The following GALNT13 variants were observed in gnomAD, a reference collection of about 807,000 sequenced individuals.
GALNT13 encodes the protein polypeptide N-acetylgalactosaminyltransferase 13.
In GALNT13, 28 loss-of-function variants were observed where a neutral mutation model predicts 64.2. That is an observed-to-expected ratio of 0.44 (90% CI 0.32 to 0.60). The LOEUF (loss-of-function observed/expected upper bound fraction) is 0.60. Among genes scored for constraint, GALNT13 ranks in the 20% least tolerant of loss-of-function variants. GALNT13 has a pLI of 0.05. For missense variants in GALNT13, 577 were observed against 669.8 expected (o/e 0.86, Z 1.53); for synonymous variants, 214 against 224.6 (o/e 0.95, Z 0.42).
chr2:153,462,936 A>C, the GALNT13 span, among the ~76,000 whole-genome samples: 1 of 152,126 alleles, frequency 6.6e-6, no homozygotes, highest in Non-Finnish European at 1.5e-5. Context: ...GATTTTGCAG[A>C]GATCTTAGGA....
chr2:153,952,349 A>G (rs879702633), intron 3 of GALNT13, among the ~76,000 whole-genome samples: 3 of 152,154 alleles, frequency 2.0e-5, no homozygotes, highest in Non-Finnish European at 4.4e-5. Context: ...CTCAGTTGTA[A>G]TATGTAATAT....
chr2:154,334,197 C>T (rs1341073185), intron 9 of GALNT13, among the ~76,000 whole-genome samples: 1 of 151,994 alleles, frequency 6.6e-6, no homozygotes. Flanking sequence ...ATACTTTGTT[C>T]ATTCAACTAA....
At position 153,883,980 on chromosome 2, in the gene GALNT13, A is replaced by G. The variant is rs569408235; in HGVS notation, c.-177+11677A>G. 3.9e-5 allele frequency among the ~76,000 whole-genome samples: 6 copies of G among 152,204 alleles called. No individual in the cohort carries two copies. In the East Asian group the frequency reaches 1.2e-3, roughly 29 times the overall value. ...TATTATCAAGACTGACAATGTCACG[A>G]TAAACATACAGGTGGCTGAGGTTGG... On this transcript the variant is annotated intron_variant, in intron 1 of 12. Coordinates refer to ENST00000392825, the MANE Select transcript of GALNT13 (RefSeq NM_052917.4).
chr2:153,588,929 G>T, the GALNT13 span, among the ~76,000 whole-genome samples: 1 of 152,224 alleles, frequency 6.6e-6, no homozygotes, highest in Non-Finnish European at 1.5e-5. Flanking sequence ...CACTTTGGGA[G>T]GCCAAGGCAG....
intron 2 of GALNT13, among the ~76,000 whole-genome samples, chr2:153,914,570 T>G (rs1270218863): frequency 5.9e-5 from 9 of 152,170 alleles, no homozygotes; most frequent in Non-Finnish European, 1.2e-4. Flanking sequence ...TATTCTGATT[T>G]TGTTAGGATT....
chr2:153,834,533 C>G, the GALNT13 span, among the ~76,000 whole-genome samples: 1 of 151,978 alleles, frequency 6.6e-6, no homozygotes, highest in Non-Finnish European at 1.5e-5. Context: ...GTTGTCAGCT[C>G]TTGTTTTTTC....
chr2:153,713,729 C>T, the GALNT13 span, among the ~76,000 whole-genome samples: 1 of 152,212 alleles, frequency 6.6e-6, no homozygotes, highest in Admixed American at 6.5e-5. Flanking sequence ...AGTGATCCAC[C>T]TTCCTTGGCC....
At chr2:153,957,010 C>G (rs995210722) in intron 3 of GALNT13, among the ~76,000 whole-genome samples, 7 of 152,122 alleles carry the variant, frequency 4.6e-5, no homozygotes, top group African/African-American at 1.7e-4. Flanking sequence ...AAGTAAAAAT[C>G]TTAATGTCAA....
At chr2:153,549,174 TTAGA>T in the GALNT13 span, among the ~76,000 whole-genome samples, 1 of 152,112 alleles carries the variant, frequency 6.6e-6, no homozygotes, top group South Asian at 2.1e-4. Flanking sequence ...TGTTCTAAAA[TTAGA>T]TAGTAATGAT....
chr2:153,595,410 G>A, the GALNT13 span, among the ~76,000 whole-genome samples: 1 of 151,340 alleles, frequency 6.6e-6, no homozygotes, highest in Non-Finnish European at 1.5e-5. Flanking sequence ...AAATAAAAAG[G>A]CACTCAGTTT....
At chr2:154,113,348 A>G (rs1175701998) in intron 3 of GALNT13, among the ~76,000 whole-genome samples, 1 of 152,188 alleles carries the variant, frequency 6.6e-6, no homozygotes, top group African/African-American at 2.4e-5. Context: ...TCTGTTGCGG[A>G]GCCTTCTCCG....
At chr2:153,410,166 G>T in the GALNT13 span, among the ~76,000 whole-genome samples, 1 of 152,018 alleles carries the variant, frequency 6.6e-6, no homozygotes, top group East Asian at 1.9e-4. Context: ...ACTCACTGTA[G>T]TCTCTACCTC....
the GALNT13 span, among the ~76,000 whole-genome samples, chr2:153,279,150 C>T: frequency 6.6e-6 from 1 of 151,968 alleles, no homozygotes; most frequent in African/African-American, 2.4e-5. Flanking sequence ...CTTGATTTGG[C>T]TCTCATCTTG....
chr2:153,201,180 T>C, the GALNT13 span, among the ~76,000 whole-genome samples: 1 of 152,208 alleles, frequency 6.6e-6, no homozygotes. Context: ...GTGGGAATAA[T>C]ATTGTTCTCA....
intron 9 of GALNT13, among the ~76,000 whole-genome samples, chr2:154,335,421 G>A (rs1695389750): frequency 6.6e-6 from 1 of 151,816 alleles, no homozygotes; most frequent in African/African-American, 2.4e-5. Flanking sequence ...CTTTTATATT[G>A]TTCCAAATGT....
At chr2:153,202,151 A>AT in the GALNT13 span, among the ~76,000 whole-genome samples, 9 of 151,358 alleles carry the variant, frequency 5.9e-5, no homozygotes, top group African/African-American at 2.2e-4. Flanking sequence ...CGCCCGGCTA[A>AT]TTTTTTGTAT....
Position 154,448,569 on chromosome 2 carries a change from CT to C in GALNT13, c.1531-1841del, listed in dbSNP as rs576068922. Among the ~76,000 whole-genome samples, 318 of 152,122 alleles carry C rather than the reference CT, an allele frequency of 2.1e-3. 1 individual carries two copies. Among genetic ancestry groups the C allele is most frequent in the Middle Eastern group, 3.4e-3 (1 of 294 alleles). ...AAAGGAGAAGTATTTAGTTGTTTGT[CT>C]CTGCAGCAGTGGGTTTTGACTATTA... On this transcript the variant is annotated intron_variant, in intron 12 of 12. Transcript: ENST00000392825.
chr2:153,908,451 G>A (rs193008854), intron 2 of GALNT13, among the ~76,000 whole-genome samples: 36 of 151,952 alleles, frequency 2.4e-4, no homozygotes, highest in Admixed American at 1.1e-3. Flanking sequence ...TGTTTTTGTC[G>A]TGAAACCTTT....
chr2:154,036,838 T>C (rs1698685055), intron 3 of GALNT13, among the ~76,000 whole-genome samples: 1 of 152,058 alleles, frequency 6.6e-6, no homozygotes, highest in Admixed American at 6.6e-5. Context: ...TAAAGAGATA[T>C]CGATATCTTT....
Sources: allele counts gnomAD v4.1 joint callset (sites outside exome capture counted in the v4.1 genomes callset), GRCh38; gene constraint gnomAD v4.1.1; transcripts MANE v1.5; gene names NCBI Gene and HGNC (gene_info 2026-07-23, HGNC 2026-07-21).